Variants in CPEB2 observed in about 807,000 individuals in gnomAD.
CPEB2 encodes the protein cytoplasmic polyadenylation element binding protein 2, also known as cytoplasmic polyadenylation element-binding protein 2.
In CPEB2, 56 loss-of-function variants were observed where a neutral mutation model predicts 93.6. That is an observed-to-expected ratio of 0.60 (90% CI 0.48 to 0.75). The LOEUF (loss-of-function observed/expected upper bound fraction) is 0.75. CPEB2 is among the 30% of genes least tolerant of loss of function. The probability of loss-of-function intolerance (pLI) is 0.00; values close to 1 mark genes in which losing one functional copy is unlikely to be tolerated. For synonymous variants in CPEB2, 764 were observed against 586.3 expected, an observed-to-expected ratio of 1.30 and a Z score of -4.38; for missense variants, 1,579 against 1,395.1, an observed-to-expected ratio of 1.13 and a Z score of -2.10.
Position 15,040,441 on chromosome 4 carries a change from A to G in CPEB2, c.2177-23A>G, listed in dbSNP as rs748537285. ...TTATTTTTAGTTCTGACATTTTACA[A>G]TTTGTGCTTTGTTTACATGCAGCAA... On this transcript the variant is annotated intron_variant, in intron 5 of 11. Coordinates refer to ENST00000538197, the MANE Select transcript of CPEB2 (RefSeq NM_001177382.2). 19 of 1,535,070 alleles carry G rather than the reference A, an allele frequency of 1.2e-5. No homozygotes were observed. In the African/African-American group the frequency reaches 1.5e-4, roughly 12 times the overall value.
chr4:15,041,635 T>A (rs1389706528), intron 6 of CPEB2, among the ~76,000 whole-genome samples: 1 of 152,120 alleles, frequency 6.6e-6, no homozygotes, highest in Non-Finnish European at 1.5e-5. Context: ...ATTCCTGACC[T>A]CAGGTGATCT....
At position 15,002,902 on chromosome 4, in the gene CPEB2, G is replaced by C. The variant is rs2108928537; in HGVS notation, c.229G>C (p.Ala77Pro). The change falls in exon 1 of 12, where the codon GCC becomes CCC. Residue 77 changes from alanine to proline, a missense_variant. Around this residue, in one of 2 missense-constraint regions of CPEB2, gnomAD observed 1,411 missense variants for 1,056.0 expected, o/e 1.34. Coordinates refer to ENST00000538197, the MANE Select transcript of CPEB2 (RefSeq NM_001177382.2). ...CCTCGGCGGCGGCGCGGGCAGCCCG[G>C]CCGCCGCCGCTTCCTCTTCCTCCCC... Reference protein sequence around the residue: ...VPLGGGAGSPAAAASSSSPFL... With the variant: ...VPLGGGAGSPPAAASSSSPFL... The C allele has an allele frequency of 3.3e-6, 5 of 1,510,962 alleles. No homozygotes were observed. Among genetic ancestry groups the C allele is most frequent in the Non-Finnish European group, 4.4e-6 (5 of 1,140,382 alleles). The allele number at this position is 1,510,962 out of a possible 1,614,324, so 93.6% of individuals were successfully genotyped here. A position where few individuals can be genotyped will look rare whatever the true frequency, so the allele number is the denominator to read the frequency against.
intron 5 of CPEB2, among the ~76,000 whole-genome samples, chr4:15,036,394 T>C (rs557449723): frequency 7.9e-5 from 12 of 152,304 alleles, no homozygotes; most frequent in African/African-American, 2.4e-4. Context: ...AGAAGCACTT[T>C]AGGGAAGTCA....
chr4:15,003,053 C>G lies in CPEB2; in HGVS notation c.380C>G (p.Thr127Arg), dbSNP rs1309686489. The change falls in exon 1 of 12, where the codon ACG becomes AGG. Residue 127 changes from threonine (T) to arginine (R), a missense_variant. This residue lies in a region of CPEB2 where 1,411 missense variants were observed against 1,056.0 expected (regional missense o/e 1.34). Transcript: ENST00000538197. ...KLPDHHPGGG[T>R]IAGVTHLLPS... ...CCCGACCACCACCCCGGCGGCGGCACGATCGCGGGTGTGACCCACCTCCTC... is the reference window on the plus strand; with the variant it reads ...CCCGACCACCACCCCGGCGGCGGCAGGATCGCGGGTGTGACCCACCTCCTC... 4.0e-6 allele frequency: 6 copies of G among 1,514,764 alleles called. No homozygotes were observed. Among genetic ancestry groups the G allele is most frequent in the Non-Finnish European group, 5.3e-6 (6 of 1,140,260 alleles). The allele number at this position is 1,514,764 out of a possible 1,614,324, so 93.8% of individuals were successfully genotyped here. A position where few individuals can be genotyped will look rare whatever the true frequency, so the allele number is the denominator to read the frequency against.
In CPEB2 at chr4:15,008,405, C is replaced by T. The variant is rs759918003; in HGVS notation, c.2012C>T (p.Ala671Val). The change falls in exon 3 of 12, where the codon GCC becomes GTC. Residue 671 changes from alanine to valine, a missense_variant. Around this residue, in one of 2 missense-constraint regions of CPEB2, gnomAD observed 1,411 missense variants for 1,056.0 expected, o/e 1.34. Coordinates refer to ENST00000538197, the MANE Select transcript of CPEB2 (RefSeq NM_001177382.2). ...CTCCAAGATAGTTGGTGCACTGCAG[C>T]CGGAACATCCAGAATAGACCAGGTA... is the stretch of plus-strand genomic sequence containing the variant. The part of the protein sequence containing the change: ...DSLQDSWCTA[A>V]GTSRIDQDRS... 2 of 1,613,352 alleles carry T rather than the reference C, an allele frequency of 1.2e-6. No individual in the cohort carries two copies. The highest frequency in any genetic ancestry group is 2.2e-5 in the South Asian group (2 of 91,046).
chr4:15,056,967 T>TTAG (rs1728768050), intron 8 of CPEB2, among the ~76,000 whole-genome samples: 1 of 152,102 alleles, frequency 6.6e-6, no homozygotes, highest in African/African-American at 2.4e-5. Context: ...GATATTGAAT[T>TTAG]TAGAGTATTA....
intron 8 of CPEB2, among the ~76,000 whole-genome samples, chr4:15,055,903 C>T (rs1483127270): frequency 1.3e-5 from 2 of 152,064 alleles, no homozygotes; most frequent in Admixed American, 6.6e-5. Context: ...GTATCTCAAG[C>T]TTAAGTGTAA....
intron 1 of CPEB2, 78 bp downstream of exon 1, chr4:15,004,413 C>A: frequency 1.8e-6 from 2 of 1,118,802 alleles, no homozygotes; most frequent in Non-Finnish European, 2.4e-6. Context: ...GCAGGGCAGC[C>A]GGGGACCCGA....
chr4:15,070,131 T>C lies in CPEB2; in HGVS notation c.*3751T>C, dbSNP rs1177151464. 6.6e-6 allele frequency: 1 copy of C among 152,232 alleles called. No homozygotes were observed. The highest frequency in any genetic ancestry group is 1.5e-5 in the Non-Finnish European group (1 of 67,858). The allele number at this position is 152,232 out of a possible 1,614,324, so 9.4% of individuals were successfully genotyped here. A position where few individuals can be genotyped will look rare whatever the true frequency, so the allele number is the denominator to read the frequency against. ...ATTTGTAATATTGTTGACTGACTAA[T>C]AAACTATTAAGTTATTGGCATAGTT... On this transcript the variant is annotated 3_prime_UTR_variant, in exon 12 of 12. Coordinates refer to ENST00000538197, the MANE Select transcript of CPEB2 (RefSeq NM_001177382.2).
Position 15,060,715 on chromosome 4 carries a change from G to A in CPEB2, c.2696-1364G>A, listed in dbSNP as rs114630574. On this transcript the variant is annotated intron_variant, in intron 10 of 11. Coordinates refer to ENST00000538197, the MANE Select transcript of CPEB2 (RefSeq NM_001177382.2). ...AATTTCAATTAAACCATGGTATATG[G>A]TATATTTTTTTATGTATTTTTATGG... Among the ~76,000 whole-genome samples, 383 of 152,140 alleles carry A rather than the reference G, an allele frequency of 2.5e-3. 2 individuals carry two copies. Among genetic ancestry groups the A allele is most frequent in the African/African-American group, 9.1e-3 (377 of 41,522 alleles).
intron 7 of CPEB2, among the ~76,000 whole-genome samples, chr4:15,053,744 C>G (rs1728458426): frequency 1.3e-5 from 2 of 151,906 alleles, no homozygotes; most frequent in Admixed American, 1.3e-4. Flanking sequence ...ACCTTTTTTC[C>G]TATAATAAAA....
chr4:15,003,127 G>A lies in CPEB2; in HGVS notation c.454G>A (p.Ala152Thr). The change falls in exon 1 of 12, where the codon GCC becomes ACC. Residue 152 changes from alanine (A) to threonine (T), a missense_variant. Coordinates refer to ENST00000538197, the MANE Select transcript of CPEB2 (RefSeq NM_001177382.2). Reference sequence around the variant, plus strand: ...TCTGCACCACCCCTCCTCCTCCTCCGCCTCCTCCTGCTGCTGCTGCCGCAC... The same window carrying A: ...TCTGCACCACCCCTCCTCCTCCTCCACCTCCTCCTGCTGCTGCTGCCGCAC... The part of the protein sequence containing the change: ...PSLHHPSSSS[A>T]SSCCCCRTSS... The A allele has an allele frequency of 6.5e-7, 1 of 1,530,352 alleles. No homozygotes were observed. The highest frequency in any genetic ancestry group is 2.5e-5 in the East Asian group (1 of 40,304). 94.8% of individuals were successfully genotyped at this position (1,530,352 alleles called of 1,614,324 possible).
At position 15,019,362 on chromosome 4, in the gene CPEB2, G is replaced by A. The variant is rs1224000998; in HGVS notation, c.2125+2084G>A. 2.6e-5 allele frequency among the ~76,000 whole-genome samples: 4 copies of A among 150,980 alleles called. No individual in the cohort carries two copies. The East Asian group carries it at 5.8e-4, about 22-fold the overall frequency. ...TTAATACAAATTCCACTGCCTTCTG[G>A]GATATTATGTTGTATATTTTCTTTC... On this transcript the variant is annotated intron_variant, in intron 4 of 11. Transcript: ENST00000538197.
chr4:15,052,595 A>G lies in CPEB2; in HGVS notation c.2371+11A>G, dbSNP rs1397791644. 1.4e-6 allele frequency: 2 copies of G among 1,478,000 alleles called. No homozygotes were observed. The highest frequency in any genetic ancestry group is 9.1e-7 in the Non-Finnish European group (1 of 1,096,676). 91.6% of individuals were successfully genotyped at this position (1,478,000 alleles called of 1,614,324 possible). A position where few individuals can be genotyped will look rare whatever the true frequency, so the allele number is the denominator to read the frequency against. On this transcript the variant is annotated intron_variant, in intron 7 of 11. Coordinates refer to ENST00000538197, the MANE Select transcript of CPEB2 (RefSeq NM_001177382.2). ...CAGATATTGATGAAGGTATTTATTA[A>G]GATATTTATTAACATGGTGATTTGG... is the stretch of plus-strand genomic sequence containing the variant.
chr4:15,020,785 A>G (rs934017058), intron 4 of CPEB2, among the ~76,000 whole-genome samples: 2 of 152,166 alleles, frequency 1.3e-5, no homozygotes, highest in African/African-American at 2.4e-5. Flanking sequence ...CCCTCATTGT[A>G]TAGCCTACTG....
chr4:15,060,373 AT>A (rs1729075907), intron 10 of CPEB2, among the ~76,000 whole-genome samples: 1 of 152,176 alleles, frequency 6.6e-6, no homozygotes, highest in South Asian at 2.1e-4. Flanking sequence ...TTAGCTAATG[AT>A]TCAGAGAGAG....
rs1036071493 is a variant in CPEB2 at position 15,067,422 on chromosome 4, C to T, written c.*1042C>T. On this transcript the variant is annotated 3_prime_UTR_variant, in exon 12 of 12. Transcript: ENST00000538197. ...TTGTAATCCCTGTGCAATTTTGTGACGTGCGGTTCTAATTCATGTGCAGTG... is the reference window on the plus strand; with the variant it reads ...TTGTAATCCCTGTGCAATTTTGTGATGTGCGGTTCTAATTCATGTGCAGTG... The T allele has an allele frequency of 2.0e-5, 3 of 152,318 alleles. No homozygotes were observed. The highest frequency in any genetic ancestry group is 3.9e-4 in the East Asian group (2 of 5,170). 9.4% of individuals were successfully genotyped at this position (152,318 alleles called of 1,614,324 possible).
chr4:15,007,537 A>C lies in CPEB2; in HGVS notation c.1895A>C (p.Asp632Ala). Residue 632 changes from aspartate (D) to alanine (A), a missense_variant, in exon 2 of 12, where the codon GAT becomes GCT. Around this residue, in one of 2 missense-constraint regions of CPEB2, gnomAD observed 1,411 missense variants for 1,056.0 expected, o/e 1.34. Coordinates refer to ENST00000538197, the MANE Select transcript of CPEB2 (RefSeq NM_001177382.2). ...PSLTPKSWIE[D>A]NVFRTDNNSN... ...CTGACTCCAAAATCTTGGATTGAAG[A>C]TAATGTGTTCAGAACAGACAACAAT... The C allele has an allele frequency of 6.2e-7, 1 of 1,613,546 alleles. No individual in the cohort carries two copies. Among genetic ancestry groups the C allele is most frequent in the Non-Finnish European group, 8.5e-7 (1 of 1,179,518 alleles).
At chr4:15,005,922 G>T (rs921129505) in intron 1 of CPEB2, among the ~76,000 whole-genome samples, 1 of 152,186 alleles carries the variant, frequency 6.6e-6, no homozygotes, top group African/African-American at 2.4e-5. Context: ...AAAATTATCT[G>T]TAGGTAATTT....
Sources: allele counts gnomAD v4.1 joint callset (sites outside exome capture counted in the v4.1 genomes callset), GRCh38; gene constraint gnomAD v4.1.1; regional missense constraint gnomAD v4.1.1; transcripts MANE v1.5; gene names NCBI Gene and HGNC (gene_info 2026-07-23, HGNC 2026-07-21).